Variants in TANC1 observed in about 807,000 individuals in gnomAD.
The protein encoded by TANC1 is protein TANC1.
TANC1 carries 77 observed loss-of-function variants against 149.7 expected under a neutral mutation model. The ratio of observed to expected loss-of-function variants is 0.51; its 90% CI spans 0.43 to 0.62. TANC1 has a LOEUF of 0.62. TANC1 is among the 20% of genes least tolerant of loss of function. TANC1 has a pLI of 0.00. For synonymous variants in TANC1, 854 were observed against 925.0 expected (o/e 0.92, Z 1.39); for missense variants, 1,985 against 2,321.8 (o/e 0.85, Z 2.98).
intron 4 of TANC1, among the ~76,000 whole-genome samples, chr2:159,127,911 T>C (rs1302204915): frequency 2.0e-5 from 3 of 152,244 alleles, no homozygotes; most frequent in Non-Finnish European, 4.4e-5. Context: ...TATACTGTTT[T>C]CCTACCAGAT....
chr2:159,182,552 C>A (rs1450985207), intron 14 of TANC1, among the ~76,000 whole-genome samples: 1 of 151,550 alleles, frequency 6.6e-6, no homozygotes, highest in Non-Finnish European at 1.5e-5. Context: ...TTTTCTTTTT[C>A]CTCAAAATTT....
chr2:159,096,759 G>C (rs1012315273), intron 3 of TANC1, among the ~76,000 whole-genome samples: 6 of 152,138 alleles, frequency 3.9e-5, no homozygotes, highest in Admixed American at 1.3e-4. Flanking sequence ...GCAGGTGACC[G>C]GGATGAGTCA....
At chr2:159,228,035 C>G in intron 25 of TANC1, 70 bp downstream of exon 25, 1 of 1,530,384 alleles carries the variant, frequency 6.5e-7, no homozygotes, top group Non-Finnish European at 8.9e-7. Context: ...TGAAGGCCAG[C>G]CCTTCTCCAG....
chr2:159,102,202 T>C (rs2046788874), intron 4 of TANC1, among the ~76,000 whole-genome samples: 1 of 152,146 alleles, frequency 6.6e-6, no homozygotes, highest in South Asian at 2.1e-4. Context: ...TTTCTTCTAG[T>C]CTTTTGAAAA....
chr2:158,982,029 A>AT (rs11322522), intron 1 of TANC1, among the ~76,000 whole-genome samples: 109 of 151,286 alleles, frequency 7.2e-4, no homozygotes, highest in African/African-American at 2.4e-3. Flanking sequence ...TGCTATTTAC[A>AT]TTTTTTTTTC....
At position 159,157,110 on chromosome 2, in the gene TANC1, C is replaced by T. The variant is rs112830245; in HGVS notation, c.683-6173C>T. On this transcript the variant is annotated intron_variant, in intron 7 of 26. Transcript: ENST00000263635. ...CCAGAGAGGGAGCAGGGCCCTGTGG[C>T]GCATTGGATGGGGCTGGGCAGTTGC... 8.0e-4 allele frequency among the ~76,000 whole-genome samples: 122 copies of T among 152,326 alleles called. 1 individual carries two copies. The highest frequency in any genetic ancestry group is 2.8e-3 in the African/African-American group (115 of 41,584).
intron 17 of TANC1, 141 bp downstream of exon 17, chr2:159,194,634 A>G: frequency 2.7e-6 from 2 of 743,660 alleles, no homozygotes; most frequent in Non-Finnish European, 4.5e-6. Flanking sequence ...GGGATTGGTC[A>G]CTTTGTAATG....
At chr2:158,983,067 T>G (rs2034554387) in intron 1 of TANC1, among the ~76,000 whole-genome samples, 1 of 152,186 alleles carries the variant, frequency 6.6e-6, no homozygotes, top group African/African-American at 2.4e-5. Flanking sequence ...TGTATGGGAG[T>G]TGGTTGCTTA....
chr2:159,166,468 A>G (rs1170525306), intron 8 of TANC1, among the ~76,000 whole-genome samples: 1 of 151,398 alleles, frequency 6.6e-6, no homozygotes, highest in Non-Finnish European at 1.5e-5. Context: ...GATGTTAGAT[A>G]TGGTGTGTGT....
rs1345333752 is a variant in TANC1, at chr2:159,123,909, C to G, written c.260-12285C>G. On this transcript the variant is annotated intron_variant, in intron 4 of 26. Transcript: ENST00000263635. ...CCCCTCGTGCCCCCAGCCTCAGGTACAGCTCAATCGCTGCCTTCCTCCCTC... is the reference window on the plus strand; with the variant it reads ...CCCCTCGTGCCCCCAGCCTCAGGTAGAGCTCAATCGCTGCCTTCCTCCCTC... 4.6e-5 allele frequency among the ~76,000 whole-genome samples: 7 copies of G among 152,262 alleles called. No individual in the cohort carries two copies. The East Asian group carries it at 1.4e-3, about 29-fold the overall frequency.
chr2:159,043,432 C>G (rs1281421639), intron 2 of TANC1, among the ~76,000 whole-genome samples: 1 of 151,976 alleles, frequency 6.6e-6, no homozygotes, highest in South Asian at 2.1e-4. Context: ...CTTTGACAGG[C>G]CAGGTATTCA....
rs558893502 is a variant in TANC1, at chr2:158,989,874, A to G, written c.-125-11206A>G. 2.6e-5 allele frequency among the ~76,000 whole-genome samples: 4 copies of G among 152,076 alleles called. No homozygotes were observed. In the South Asian group the frequency reaches 8.3e-4, roughly 32 times the overall value. ...TCCAGCCCTCCTCTAATGCCCTTGG[A>G]TAAATTTCTTCACGGCCTTAGTTTC... On this transcript the variant is annotated intron_variant, in intron 1 of 26. Coordinates refer to ENST00000263635, the MANE Select transcript of TANC1 (RefSeq NM_033394.3).
At chr2:159,176,273 G>A (rs979877825) in intron 12 of TANC1, 79 bp from the exon 13 acceptor site, 2 of 746,534 alleles carry the variant, frequency 2.7e-6, no homozygotes, top group Non-Finnish European at 4.2e-6. Context: ...CACTAAACTG[G>A]GCACTAAAAT....
chr2:159,182,825 A>G (rs1482502864), intron 14 of TANC1, among the ~76,000 whole-genome samples: 1 of 141,314 alleles, frequency 7.1e-6, no homozygotes, highest in Admixed American at 6.9e-5. Context: ...AAGATCCATC[A>G]GTTTTTTGGG....
chr2:159,193,756 C>T (rs1276571489), intron 16 of TANC1, among the ~76,000 whole-genome samples: 4 of 152,144 alleles, frequency 2.6e-5, no homozygotes, highest in East Asian at 1.9e-4. Context: ...CTCTTGACCT[C>T]GTGATCCACC....
At chr2:159,095,128 A>G (rs1286105286) in intron 3 of TANC1, among the ~76,000 whole-genome samples, 1 of 151,494 alleles carries the variant, frequency 6.6e-6, no homozygotes, top group Non-Finnish European at 1.5e-5. Context: ...TTGTATTTTT[A>G]GTAGAGACAG....
chr2:159,182,592 C>G (rs1463145666), intron 14 of TANC1, among the ~76,000 whole-genome samples: 1 of 152,132 alleles, frequency 6.6e-6, no homozygotes, highest in Non-Finnish European at 1.5e-5. Context: ...CTGGGTAGTT[C>G]ATCCTGTATA....
At chr2:158,983,273 T>C (rs927095038) in intron 1 of TANC1, among the ~76,000 whole-genome samples, 8 of 151,840 alleles carry the variant, frequency 5.3e-5, no homozygotes, top group East Asian at 3.9e-4. Context: ...CGAGACCATC[T>C]TGGCTAACAC....
Position 159,016,705 on chromosome 2 carries a change from G to T in TANC1, c.-16+15516G>T, listed in dbSNP as rs13012488. On this transcript the variant is annotated intron_variant, in intron 2 of 26. Transcript: ENST00000263635. Reference sequence around the variant, plus strand: ...TTTTCCTGCCTCAGCCTCCCAAGTAGCTGGGACTACAGGTGCCCCCCACCA... The same window carrying T: ...TTTTCCTGCCTCAGCCTCCCAAGTATCTGGGACTACAGGTGCCCCCCACCA... Among the ~76,000 whole-genome samples the T allele has an allele frequency of 5.9e-5, 9 of 151,586 alleles. No homozygotes were observed. In the East Asian group the frequency reaches 1.7e-3, roughly 29 times the overall value.
Sources: allele counts gnomAD v4.1 joint callset (sites outside exome capture counted in the v4.1 genomes callset), GRCh38; gene constraint gnomAD v4.1.1; transcripts MANE v1.5; gene names NCBI Gene and HGNC (gene_info 2026-07-23, HGNC 2026-07-21).